The following PLCB4 variants were observed in gnomAD, a reference collection of about 807,000 sequenced individuals.
PLCB4 encodes 1-phosphatidylinositol 4,5-bisphosphate phosphodiesterase beta-4.
Under a neutral mutation model 178.8 loss-of-function variants are expected in PLCB4, and 77 were observed. That is an observed-to-expected ratio of 0.43 (90% CI 0.36 to 0.52). The LOEUF is 0.52. Ranked by LOEUF, PLCB4 falls within the 20% of genes least tolerant of loss-of-function variation. The pLI is 0.00. For missense variants in PLCB4, 1,024 were observed against 1,453.4 expected (o/e 0.70, Z 4.80); for synonymous variants, 496 against 490.8 (o/e 1.01, Z -0.14).
chr20:9,337,783 A>G (rs2032661251), intron 5 of PLCB4, among the ~76,000 whole-genome samples: 1 of 152,194 alleles, frequency 6.6e-6, no homozygotes, highest in Admixed American at 6.5e-5. Flanking sequence ...TTGCACATAT[A>G]TATGTCTATA....
intron 35 of PLCB4, among the ~76,000 whole-genome samples, chr20:9,461,685 C>T (rs1335117482): frequency 1.3e-5 from 2 of 152,252 alleles, no homozygotes; most frequent in Non-Finnish European, 2.9e-5. Context: ...AACCGTGAGG[C>T]AGCAACCTGG....
chr20:9,341,435 A>G (rs1289621134), intron 7 of PLCB4, among the ~76,000 whole-genome samples: 2 of 152,216 alleles, frequency 1.3e-5, no homozygotes, highest in African/African-American at 4.8e-5. Flanking sequence ...TATTCTTACA[A>G]TAAAGTAAGC....
chr20:9,124,869 A>G (rs554522546), intron 2 of PLCB4, among the ~76,000 whole-genome samples: 42 of 152,278 alleles, frequency 2.8e-4, no homozygotes, highest in African/African-American at 9.6e-4. Context: ...TCATCTTTGT[A>G]ATTGACAATT....
intron 3 of PLCB4, among the ~76,000 whole-genome samples, chr20:9,219,887 G>A (rs1000615681): frequency 6.6e-6 from 1 of 152,150 alleles, no homozygotes; most frequent in South Asian, 2.1e-4. Context: ...CTGACTCTAT[G>A]TTAGTTCTAA....
chr20:9,164,125 T>C (rs559842257), intron 2 of PLCB4, among the ~76,000 whole-genome samples: 1 of 152,342 alleles, frequency 6.6e-6, no homozygotes, highest in South Asian at 2.1e-4. Context: ...CCAATTAATT[T>C]TTAAAACATC....
At chr20:9,274,444 C>T (rs183377472) in intron 3 of PLCB4, among the ~76,000 whole-genome samples, 1 of 152,142 alleles carries the variant, frequency 6.6e-6, no homozygotes, top group East Asian at 1.9e-4. Context: ...TTAATGGGCA[C>T]CATACTCCTT....
intron 28 of PLCB4, 103 bp downstream of exon 28, chr20:9,424,055 CT>C: frequency 1.3e-6 from 1 of 756,306 alleles, no homozygotes; most frequent in Non-Finnish European, 2.2e-6. Context: ...AAAATACTGT[CT>C]ATTCCTGCTA....
intron 2 of PLCB4, among the ~76,000 whole-genome samples, chr20:9,107,777 C>T (rs1355213660): frequency 2.0e-5 from 3 of 152,084 alleles, no homozygotes; most frequent in Non-Finnish European, 4.4e-5. Context: ...AGAAGACTCA[C>T]GTTGGCTGCT....
chr20:9,316,463 C>T (rs1014226907), intron 4 of PLCB4, among the ~76,000 whole-genome samples: 18 of 152,236 alleles, frequency 1.2e-4, no homozygotes, highest in African/African-American at 3.9e-4. Context: ...AAGGATGATT[C>T]GTAGGCGGGG....
At chr20:9,450,831 T>C (rs1209199567) in intron 32 of PLCB4, among the ~76,000 whole-genome samples, 1 of 151,954 alleles carries the variant, frequency 6.6e-6, no homozygotes, top group Non-Finnish European at 1.5e-5. Flanking sequence ...GTATTTTTAG[T>C]AGAGTTGGGT....
chr20:9,421,422 C>T lies in PLCB4; in HGVS notation c.2280C>T (p.Leu760=), dbSNP rs1602568383. ...FRTRMVMNNG[L]NPVYNEESFV... is the part of the protein sequence containing the mutation. ...CTCGCATGGTTATGAATAATGGACT[C>T]AATCCAGTTTACAATGAAGAGTCAT... The change falls in exon 27 of 40, where the codon CTC becomes CTT. Residue 760 remains leucine, a synonymous_variant. Coordinates refer to ENST00000378473, the MANE Select transcript of PLCB4 (RefSeq NM_001377142.1). 6.2e-7 allele frequency: 1 copy of T among 1,613,864 alleles called. No homozygotes were observed. The highest frequency in any genetic ancestry group is 2.2e-5 in the East Asian group (1 of 44,882).
chr20:9,468,952 T>C (rs2043988608), intron 36 of PLCB4, among the ~76,000 whole-genome samples: 1 of 151,906 alleles, frequency 6.6e-6, no homozygotes, highest in African/African-American at 2.4e-5. Flanking sequence ...GACATAATAA[T>C]ATAATTCTTT....
chr20:9,363,318 T>TGCGATG (rs2035509088), intron 8 of PLCB4, among the ~76,000 whole-genome samples: 1 of 152,168 alleles, frequency 6.6e-6, no homozygotes, highest in Non-Finnish European at 1.5e-5. Flanking sequence ...CATCGCTGAG[T>TGCGATG]GCTGGGGTAA....
intron 2 of PLCB4, among the ~76,000 whole-genome samples, chr20:9,214,560 GACACACAC>G (rs11474652): frequency 6.9e-6 from 1 of 145,488 alleles, no homozygotes; most frequent in Non-Finnish European, 1.5e-5. Context: ...AAACACCCCA[GACACACAC>G]ACACACACAC....
intron 1 of PLCB4, among the ~76,000 whole-genome samples, chr20:9,070,498 C>T (rs2089513078): frequency 6.6e-6 from 1 of 152,206 alleles, no homozygotes; most frequent in African/African-American, 2.4e-5. Flanking sequence ...TAATCCCTCA[C>T]TATCTGTGTT....
At chr20:9,125,898 C>T (rs2092100587) in intron 2 of PLCB4, among the ~76,000 whole-genome samples, 1 of 152,062 alleles carries the variant, frequency 6.6e-6, no homozygotes, top group Admixed American at 6.6e-5. Flanking sequence ...CCCCTCTTTC[C>T]CTGAAGTTTA....
At chr20:9,096,965 C>T (rs778452101) in intron 2 of PLCB4, among the ~76,000 whole-genome samples, 7 of 151,852 alleles carry the variant, frequency 4.6e-5, no homozygotes, top group African/African-American at 9.7e-5. Flanking sequence ...GGCAGAGTCT[C>T]GCTCTGTCAC....
chr20:9,179,382 C>T (rs1383767940), intron 2 of PLCB4, among the ~76,000 whole-genome samples: 1 of 152,052 alleles, frequency 6.6e-6, no homozygotes, highest in Non-Finnish European at 1.5e-5. Context: ...CTCATGGCCC[C>T]ATTACTTCAA....
chr20:9,403,107 G>A (rs2039164182), intron 20 of PLCB4, among the ~76,000 whole-genome samples: 1 of 152,122 alleles, frequency 6.6e-6, no homozygotes, highest in African/African-American at 2.4e-5. Flanking sequence ...CTGGTACATG[G>A]TAACTCCTGT....
Sources: allele counts gnomAD v4.1 joint callset (sites outside exome capture counted in the v4.1 genomes callset), GRCh38; gene constraint gnomAD v4.1.1; transcripts MANE v1.5; gene names NCBI Gene and HGNC (gene_info 2026-07-23, HGNC 2026-07-21).